NSD2: variants seen among roughly 807,000 people sequenced by gnomAD.
The protein encoded by NSD2 is histone-lysine N-methyltransferase NSD2.
NSD2 carries 12 observed loss-of-function variants against 139.0 expected under a neutral mutation model. That is an observed-to-expected ratio of 0.09 (90% confidence interval 0.06 to 0.14). The LOEUF is 0.14. NSD2 is among the 10% of genes least tolerant of loss of function. NSD2 has a pLI of 1.00. For synonymous variants in NSD2, 669 were observed against 648.7 expected, an observed-to-expected ratio of 1.03 and a Z score of -0.48; for missense variants, 1,155 against 1,745.0, an observed-to-expected ratio of 0.66 and a Z score of 6.02.
At chr4:1,888,966 C>T (rs1462341380) in intron 1 of NSD2, among the ~76,000 whole-genome samples, 2 of 148,126 alleles carry the variant, frequency 1.4e-5, no homozygotes, top group African/African-American at 2.5e-5. Flanking sequence ...GGCATGATCT[C>T]GGCTCACTTG....
chr4:1,949,544 C>T (rs868528938), intron 9 of NSD2, among the ~76,000 whole-genome samples: 2 of 152,024 alleles, frequency 1.3e-5, no homozygotes, highest in African/African-American at 2.4e-5. Flanking sequence ...GGGTGGATCA[C>T]GAGGTCAGGA....
At chr4:1,968,981 G>GA (rs927539895) in intron 18 of NSD2, among the ~76,000 whole-genome samples, 15 of 152,230 alleles carry the variant, frequency 9.9e-5, no homozygotes, top group Admixed American at 8.5e-4. Context: ...CATCTTCACT[G>GA]AAACTGTGGG....
chr4:1,961,188 C>A, intron 18 of NSD2, 37 bp downstream of exon 18: 1 of 1,535,014 alleles, frequency 6.5e-7, no homozygotes, highest in Non-Finnish European at 9.0e-7. Flanking sequence ...CTGCAGTGTG[C>A]TGGACCTGGA....
At chr4:1,930,818 A>G in intron 6 of NSD2, 48 bp downstream of exon 6, 1 of 1,566,928 alleles carries the variant, frequency 6.4e-7, no homozygotes, top group Admixed American at 1.8e-5. Flanking sequence ...TGATGTGTGT[A>G]GTGTAGCAAG....
At chr4:1,940,706 C>G (rs1032935293) in intron 9 of NSD2, 2 of 1,061,218 alleles carry the variant, frequency 1.9e-6, no homozygotes, top group Admixed American at 1.1e-4. Flanking sequence ...AAGGGTTGGA[C>G]AGGCCCCTTA....
rs1723234575 is a variant in NSD2, at chr4:1,942,811, A to G, written c.1881+3033A>G. On this transcript the variant is annotated intron_variant, in intron 9 of 21. Transcript: ENST00000508803. This position sits in a 1 kb window ranked among gnomAD's most constrained non-coding sequence, Gnocchi z 4.0. ...TCGCTACCCTCAGAAACAAACTAAC[A>G]GCACACGTTAGGAGGAGTCCTCATC... The G allele has an allele frequency of 9.3e-7, 1 of 1,076,474 alleles. No homozygotes were observed. The highest frequency in any genetic ancestry group is 1.1e-6 in the Non-Finnish European group (1 of 885,416). 66.7% of individuals were successfully genotyped at this position (1,076,474 alleles called of 1,614,324 possible).
Position 1,978,441 on chromosome 4 carries a change from G to A in NSD2, c.3827-197G>A, listed in dbSNP as rs561316838. On this transcript the variant is annotated intron_variant, in intron 21 of 21. Transcript: ENST00000508803. Reference sequence around the variant, plus strand: ...CAGGTGGTCCTTAGGGGCCTGGCAGGTACTGTGGAGTCAACAGGCCCTGCC... The same window carrying A: ...CAGGTGGTCCTTAGGGGCCTGGCAGATACTGTGGAGTCAACAGGCCCTGCC... 1.9e-4 allele frequency among the ~76,000 whole-genome samples: 29 copies of A among 152,318 alleles called. No individual in the cohort carries two copies. The South Asian group carries it at 5.6e-3, about 29-fold the overall frequency.
chr4:1,934,181 G>A (rs529606686), intron 6 of NSD2, among the ~76,000 whole-genome samples: 1 of 151,862 alleles, frequency 6.6e-6, no homozygotes, highest in African/African-American at 2.4e-5. Context: ...CACCTCCTGG[G>A]TTCAAGCGAT....
chr4:1,964,630 G>GC (rs1725692778), intron 18 of NSD2, among the ~76,000 whole-genome samples: 1 of 152,120 alleles, frequency 6.6e-6, no homozygotes, highest in South Asian at 2.1e-4. Flanking sequence ...GAGGTGCGCT[G>GC]CGCTGCCGTT....
At position 1,978,960 on chromosome 4, in the gene NSD2, C is replaced by T; in HGVS notation, c.*51C>T. ...CAGGGGCGGTGCAGGGCGGCCGGCC[C>T]TGCCTGCGGGAGAGGGCGAGCATGA... is the stretch of plus-strand genomic sequence containing the variant. On this transcript the variant is annotated 3_prime_UTR_variant, in exon 22 of 22. Coordinates refer to ENST00000508803, the MANE Select transcript of NSD2 (RefSeq NM_001042424.3). 6.9e-7 allele frequency: 1 copy of T among 1,446,302 alleles called. No individual in the cohort carries two copies. The highest frequency in any genetic ancestry group is 9.1e-7 in the Non-Finnish European group (1 of 1,097,544). The allele number at this position is 1,446,302 out of a possible 1,614,324, so 89.6% of individuals were successfully genotyped here.
intron 1 of NSD2, among the ~76,000 whole-genome samples, chr4:1,898,701 T>G (rs965723852): frequency 6.7e-6 from 1 of 150,280 alleles, no homozygotes; most frequent in African/African-American, 2.4e-5. Context: ...TTTTTTTTTT[T>G]TTTTTGTCCA....
chr4:1,908,312 A>G (rs1718209477), intron 3 of NSD2, among the ~76,000 whole-genome samples: 1 of 152,252 alleles, frequency 6.6e-6, no homozygotes, highest in Admixed American at 6.5e-5. Flanking sequence ...GTACAGAAGA[A>G]GGGAGTGTCC....
intron 9 of NSD2, chr4:1,945,680 A>G (rs1723552139): frequency 1.9e-6 from 2 of 1,063,316 alleles, no homozygotes; most frequent in East Asian, 1.0e-4. Context: ...AAATGAGGGA[A>G]AAGTCCTTGG....
chr4:1,945,199 G>T (rs1182535239), intron 9 of NSD2: 5 of 1,067,300 alleles, frequency 4.7e-6, no homozygotes, highest in Non-Finnish European at 5.7e-6. Context: ...ATTTAAAATG[G>T]GGTGCTCAGG....
intron 1 of NSD2, among the ~76,000 whole-genome samples, chr4:1,875,916 G>C (rs1714222818): frequency 7.3e-6 from 1 of 136,716 alleles, no homozygotes; most frequent in African/African-American, 2.7e-5. Context: ...CAAAAAAAAA[G>C]AATTCAAGAC....
chr4:1,977,099 G>C (rs548998438), intron 21 of NSD2, among the ~76,000 whole-genome samples: 1 of 152,246 alleles, frequency 6.6e-6, no homozygotes, highest in Non-Finnish European at 1.5e-5. Flanking sequence ...ACTACAGTGG[G>C]AATGGAGGGG....
At chr4:1,872,670 TA>T (rs1162129217) in intron 1 of NSD2, among the ~76,000 whole-genome samples, 1 of 141,162 alleles carries the variant, frequency 7.1e-6, no homozygotes, top group Non-Finnish European at 1.5e-5. Context: ...ACTAATTGGA[TA>T]AAGTTCAGGC....
At chr4:1,943,508 T>C in intron 9 of NSD2, 1 of 1,047,846 alleles carries the variant, frequency 9.5e-7, no homozygotes, top group Middle Eastern at 4.4e-4. Context: ...GACTGCATTA[T>C]GCATGCGAGG....
At chr4:1,932,099 G>C (rs1386713089) in intron 6 of NSD2, among the ~76,000 whole-genome samples, 1 of 152,112 alleles carries the variant, frequency 6.6e-6, no homozygotes, top group Non-Finnish European at 1.5e-5. Context: ...AACTAGGATG[G>C]CGCACCACAT....
Sources: gnomAD v4.1 joint callset for allele counts (sites outside exome capture counted in the v4.1 genomes callset) on GRCh38, gnomAD v4.1.1 for gene constraint, Gnocchi (gnomAD v3.1) non-coding constraint, MANE v1.5 for transcripts, NCBI Gene and HGNC (gene_info 2026-07-23, HGNC 2026-07-21) for gene names.